CSRNP3: variants seen among roughly 807,000 people sequenced by gnomAD.
The protein encoded by CSRNP3 is cysteine and serine rich nuclear protein 3.
A neutral mutation model predicts 48.0 loss-of-function variants in CSRNP3; 12 were observed. That is an observed-to-expected ratio of 0.25 (90% confidence interval 0.16 to 0.41). The LOEUF is 0.41. CSRNP3 is among the 10% of genes least tolerant of loss of function. The probability of loss-of-function intolerance (pLI) is 1.00; values close to 1 mark genes in which losing one functional copy is unlikely to be tolerated. For synonymous variants in CSRNP3, 263 were observed against 269.7 expected, an observed-to-expected ratio of 0.98 and a Z score of 0.24; for missense variants, 580 against 724.4, an observed-to-expected ratio of 0.80 and a Z score of 2.29.
intron 3 of CSRNP3, among the ~76,000 whole-genome samples, chr2:165,549,595 A>C (rs934277328): frequency 1.3e-5 from 2 of 152,054 alleles, no homozygotes; most frequent in African/African-American, 4.8e-5. Context: ...ATTTTTATCT[A>C]TGTCATTTAA....
intron 2 of CSRNP3, among the ~76,000 whole-genome samples, chr2:165,498,595 T>C (rs948980949): frequency 4.6e-5 from 7 of 152,312 alleles, no homozygotes; most frequent in African/African-American, 1.4e-4. Flanking sequence ...ACAAACTTCA[T>C]TTAAATTTGG....
At chr2:165,598,295 G>T (rs1416893091) in intron 4 of CSRNP3, among the ~76,000 whole-genome samples, 2 of 152,068 alleles carry the variant, frequency 1.3e-5, no homozygotes, top group African/African-American at 4.8e-5. Context: ...AGTAAGAAAA[G>T]CAGAAGACAA....
intron 6 of CSRNP3, among the ~76,000 whole-genome samples, chr2:165,677,619 T>A (rs1423083686): frequency 6.6e-6 from 1 of 151,914 alleles, no homozygotes; most frequent in Non-Finnish European, 1.5e-5. Context: ...AAATTCTGGC[T>A]CTAATATCTG....
chr2:165,670,244 T>C (rs1429440922), intron 5 of CSRNP3, among the ~76,000 whole-genome samples: 1 of 152,142 alleles, frequency 6.6e-6, no homozygotes, highest in Non-Finnish European at 1.5e-5. Context: ...TTCACCCCAC[T>C]GCCAGCCCCA....
chr2:165,512,685 G>A (rs1003220444), intron 2 of CSRNP3, among the ~76,000 whole-genome samples: 4 of 152,192 alleles, frequency 2.6e-5, no homozygotes, highest in African/African-American at 9.7e-5. Context: ...TTGATTATGG[G>A]CTGCAATATT....
rs907136673 is a variant in CSRNP3 at position 165,678,636 on chromosome 2, A to G, written c.706-65A>G. The stretch of plus-strand genomic sequence containing the variant: ...TACTTAATTCAAAGAAGTTACTGAA[A>G]AGTTCTGGGCGTTTATTTGGTTTGT... On this transcript the variant is annotated intron_variant, in intron 6 of 6. Coordinates refer to ENST00000651982, the MANE Select transcript of CSRNP3 (RefSeq NM_001172173.2). 3.3e-6 allele frequency: 5 copies of G among 1,532,948 alleles called. No individual in the cohort carries two copies. The African/African-American group carries it at 6.9e-5, about 21-fold the overall frequency. The allele number at this position is 1,532,948 out of a possible 1,614,324, so 95.0% of individuals were successfully genotyped here.
intron 1 of CSRNP3, among the ~76,000 whole-genome samples, chr2:165,491,950 T>TTAAAA (rs1553470303): frequency 9.6e-6 from 1 of 104,594 alleles, no homozygotes; most frequent in South Asian, 3.2e-4. Flanking sequence ...TAAAGTATAA[T>TTAAAA]AAAAAAAAAA....
intron 4 of CSRNP3, among the ~76,000 whole-genome samples, chr2:165,654,469 G>C (rs1374099549): frequency 1.3e-5 from 2 of 152,186 alleles, no homozygotes; most frequent in South Asian, 4.2e-4. Context: ...GCAAAACAAT[G>C]GAGAAGAGGA....
At position 165,680,391 on chromosome 2, in the gene CSRNP3, TAGG is replaced by T. The variant is rs1397427948; in HGVS notation, c.*639_*641del. 6.6e-6 allele frequency: 1 copy of T among 152,514 alleles called. No individual in the cohort carries two copies. The highest frequency in any genetic ancestry group is 2.1e-4 in the South Asian group (1 of 4,828). The allele number at this position is 152,514 out of a possible 1,614,324, so 9.4% of individuals were successfully genotyped here. On this transcript the variant is annotated 3_prime_UTR_variant, in exon 7 of 7. Coordinates refer to ENST00000651982, the MANE Select transcript of CSRNP3 (RefSeq NM_001172173.2). ...GATTTGCAAATTCTTAAGGGTGAAA[TAGG>T]CCTATTTTTGCTATTTTGGACAAAT... is the stretch of plus-strand genomic sequence containing the variant.
chr2:165,610,206 C>G (rs1022640793), intron 4 of CSRNP3, among the ~76,000 whole-genome samples: 1 of 152,150 alleles, frequency 6.6e-6, no homozygotes, highest in Non-Finnish European at 1.5e-5. Context: ...ACTGTGGGGT[C>G]TTGTGCTTTA....
chr2:165,493,317 CAT>C (rs1296415701), intron 1 of CSRNP3, among the ~76,000 whole-genome samples: 3 of 152,002 alleles, frequency 2.0e-5, no homozygotes, highest in Non-Finnish European at 4.4e-5. Flanking sequence ...TCCTTGGTAT[CAT>C]ATATTGTGCA....
chr2:165,622,270 T>G (rs1206556553), intron 4 of CSRNP3, among the ~76,000 whole-genome samples: 1 of 152,218 alleles, frequency 6.6e-6, no homozygotes, highest in African/African-American at 2.4e-5. Flanking sequence ...TAATTTTCGT[T>G]TGGCTTTATA....
intron 4 of CSRNP3, among the ~76,000 whole-genome samples, chr2:165,631,748 G>C (rs773045784): frequency 6.6e-6 from 1 of 152,110 alleles, no homozygotes; most frequent in South Asian, 2.1e-4. Flanking sequence ...AGCCTTGCAG[G>C]CCAAACCCAC....
At position 165,582,993 on chromosome 2, in the gene CSRNP3, TCTTGGCTTAAGCAGACACTTGG is replaced by T. The variant is rs1685572121; in HGVS notation, c.-23-12049_-23-12028del. ...TATTAGCCAGGAGTGCTCCCAGGGT[TCTTGGCTTAAGCAGACACTTGG>T]ACAAGTGAAGTACATTTGGCCAACT... is the stretch of plus-strand genomic sequence containing the variant. On this transcript the variant is annotated intron_variant, in intron 3 of 6. Transcript: ENST00000651982. Among the ~76,000 whole-genome samples the T allele has an allele frequency of 3.3e-5, 5 of 152,240 alleles. No homozygotes were observed. In the South Asian group the frequency reaches 1.0e-3, roughly 32 times the overall value.
intron 5 of CSRNP3, among the ~76,000 whole-genome samples, chr2:165,673,163 G>T (rs568092591): frequency 3.2e-5 from 3 of 93,526 alleles, no homozygotes; most frequent in South Asian, 4.5e-4. Flanking sequence ...TTTGAGACAG[G>T]GCATCACTCT....
intron 2 of CSRNP3, among the ~76,000 whole-genome samples, chr2:165,503,957 T>C (rs1199186185): frequency 1.3e-5 from 2 of 151,988 alleles, no homozygotes; most frequent in Non-Finnish European, 2.9e-5. Context: ...AATGTAAAGT[T>C]GTATCAGAAT....
chr2:165,604,589 A>G (rs1022127256), intron 4 of CSRNP3, among the ~76,000 whole-genome samples: 2 of 152,246 alleles, frequency 1.3e-5, no homozygotes, highest in African/African-American at 4.8e-5. Context: ...GTGTCTCACT[A>G]TAATTATGCA....
At chr2:165,546,025 G>A (rs1430578638) in intron 3 of CSRNP3, among the ~76,000 whole-genome samples, 2 of 151,924 alleles carry the variant, frequency 1.3e-5, no homozygotes, top group South Asian at 2.1e-4. Flanking sequence ...TGTGTTATTA[G>A]CCCCACTTTA....
intron 3 of CSRNP3, among the ~76,000 whole-genome samples, chr2:165,583,888 C>A (rs1685586665): frequency 6.6e-6 from 1 of 152,166 alleles, no homozygotes; most frequent in South Asian, 2.1e-4. Flanking sequence ...GGATCTCACA[C>A]AAGAAGGAAT....
Sources: gnomAD v4.1 joint callset for allele counts (sites outside exome capture counted in the v4.1 genomes callset) on GRCh38, gnomAD v4.1.1 for gene constraint, MANE v1.5 for transcripts, NCBI Gene and HGNC (gene_info 2026-07-23, HGNC 2026-07-21) for gene names.